Variants in TCF4 observed in about 807,000 individuals in gnomAD.
TCF4 encodes the protein transcription factor 4.
Under a neutral mutation model 82.1 loss-of-function variants are expected in TCF4, and 3 were observed. That is an observed-to-expected ratio of 0.04 (90% CI 0.02 to 0.09). TCF4 has a LOEUF of 0.09. TCF4 is among the 10% of genes least tolerant of loss of function. The pLI is 1.00. For missense variants in TCF4, 518 were observed against 852.7 expected, an observed-to-expected ratio of 0.61 and a Z score of 4.89; for synonymous variants, 276 against 309.6, an observed-to-expected ratio of 0.89 and a Z score of 1.14.
chr18:55,565,284 A>G (rs1358117827), intron 3 of TCF4, among the ~76,000 whole-genome samples: 1 of 152,088 alleles, frequency 6.6e-6, no homozygotes. Flanking sequence ...CTCACACTAC[A>G]AAACAACCAA....
At position 55,228,282 on chromosome 18, in the gene TCF4, G is replaced by A. The variant is rs1164018870; in HGVS notation, c.1959C>T (p.Ser653=). ...CCATTCCAGGGTGTGGGCCGGCCAA[G>A]GAGAGAGGGGGAGGCTCTGAGGACA... ...EKVSSEPPPL[S]LAGPHPGMGD... Residue 653 remains serine (S), a synonymous_variant, in exon 19 of 20, where the codon TCC becomes TCT. Coordinates refer to ENST00000354452, the MANE Select transcript of TCF4 (RefSeq NM_001083962.2). 4 of 1,614,140 alleles carry A rather than the reference G, an allele frequency of 2.5e-6. No homozygotes were observed. Among genetic ancestry groups the A allele is most frequent in the African/African-American group, 1.3e-5 (1 of 75,036 alleles).
intron 3 of TCF4, among the ~76,000 whole-genome samples, chr18:55,538,024 G>GCGCA (rs1555736240): frequency 1.6e-5 from 2 of 125,610 alleles, no homozygotes; most frequent in Non-Finnish European, 1.6e-5. Context: ...GTCTGCGCGC[G>GCGCA]CGCACACACA....
chr18:55,422,875 C>T (rs1196125281), intron 5 of TCF4, among the ~76,000 whole-genome samples: 3 of 152,016 alleles, frequency 2.0e-5, no homozygotes, highest in Admixed American at 6.6e-5. Flanking sequence ...ATGCAGCTGT[C>T]GAAGCTCTCC....
At chr18:55,305,431 A>G (rs541277967) in intron 8 of TCF4, among the ~76,000 whole-genome samples, 1 of 152,314 alleles carries the variant, frequency 6.6e-6, no homozygotes, top group South Asian at 2.1e-4. Context: ...TCCAAAAACC[A>G]GAAGAAATCA....
At chr18:55,419,589 G>C (rs2146908794) in intron 5 of TCF4, among the ~76,000 whole-genome samples, 1 of 152,296 alleles carries the variant, frequency 6.6e-6, no homozygotes, top group South Asian at 2.1e-4. Flanking sequence ...CTGAAATTCA[G>C]GTTAGGCAGT....
chr18:55,523,035 T>C (rs938364577), intron 3 of TCF4, among the ~76,000 whole-genome samples: 20 of 152,030 alleles, frequency 1.3e-4, no homozygotes, highest in African/African-American at 4.8e-4. Flanking sequence ...TTAATAAAAC[T>C]AGAAAACAGT....
At chr18:55,530,563 G>GGGT (rs1555729298) in intron 3 of TCF4, among the ~76,000 whole-genome samples, 2 of 137,024 alleles carry the variant, frequency 1.5e-5, no homozygotes, top group African/African-American at 5.0e-5. Flanking sequence ...CCCTGAAAAG[G>GGGT]GGGGGGGAAA....
chr18:55,359,081 T>C lies in TCF4; in HGVS notation c.370-8078A>G, dbSNP rs891723519. On this transcript the variant is annotated intron_variant, in intron 6 of 19. Transcript: ENST00000354452. ...GTATGGTATATAAGTCATGCATAGA[T>C]AGATTATATATATTTCTAATAGGCC... is the stretch of plus-strand genomic sequence containing the variant. Among the ~76,000 whole-genome samples, 10 of 152,202 alleles carry C rather than the reference T, an allele frequency of 6.6e-5. No individual in the cohort carries two copies. In the East Asian group the frequency reaches 1.2e-3, roughly 18 times the overall value.
intron 8 of TCF4, among the ~76,000 whole-genome samples, chr18:55,293,140 T>TA (rs994178333): frequency 9.9e-5 from 15 of 152,074 alleles, no homozygotes; most frequent in Admixed American, 2.6e-4. Context: ...TCACCTCAAT[T>TA]AAAAAAACAA....
chr18:55,404,100 T>C, intron 5 of TCF4: 1 of 1,051,498 alleles, frequency 9.5e-7, no homozygotes, highest in African/African-American at 1.7e-5. Context: ...TTTTGAAAAA[T>C]TGCCTACTCT....
chr18:55,467,626 T>C (rs760219396), intron 3 of TCF4, among the ~76,000 whole-genome samples: 6 of 152,158 alleles, frequency 3.9e-5, no homozygotes, highest in African/African-American at 7.2e-5. Context: ...TTCAGCAGCA[T>C]TCACTATACA....
Position 55,508,647 on chromosome 18 carries a change from C to T in TCF4, c.146-44510G>A, listed in dbSNP as rs191812158. Among the ~76,000 whole-genome samples, 36 of 152,250 alleles carry T rather than the reference C, an allele frequency of 2.4e-4. No homozygotes were observed. The East Asian group carries it at 6.0e-3, about 25-fold the overall frequency. ...CCCCAGGTTACAGGTAGTAAGTGGT[C>T]GAGCTGAGATTTAGAGCCAGAATCC... On this transcript the variant is annotated intron_variant, in intron 3 of 19. Transcript: ENST00000354452.
chr18:55,519,944 T>C (rs1398459592), intron 3 of TCF4, among the ~76,000 whole-genome samples: 1 of 152,194 alleles, frequency 6.6e-6, no homozygotes, highest in South Asian at 2.1e-4. Flanking sequence ...CTTCACACTT[T>C]AGCAGGGAAT....
intron 3 of TCF4, among the ~76,000 whole-genome samples, chr18:55,505,792 A>T (rs2096751668): frequency 8.0e-6 from 1 of 125,196 alleles, no homozygotes. Flanking sequence ...CCACAGAGCG[A>T]GACTCCGTCT....
At chr18:55,395,218 T>C (rs78417162) in intron 6 of TCF4, among the ~76,000 whole-genome samples, 2 of 152,324 alleles carry the variant, frequency 1.3e-5, no homozygotes, top group East Asian at 1.9e-4. Context: ...CTACATGATA[T>C]GTAGATACGT....
chr18:55,628,881 G>T (rs753068141), intron 2 of TCF4, among the ~76,000 whole-genome samples: 1 of 152,184 alleles, frequency 6.6e-6, no homozygotes, highest in Non-Finnish European at 1.5e-5. Context: ...TGCATATGTA[G>T]TAAAATGCCA....
chr18:55,326,981 G>T (rs1449429943), intron 8 of TCF4, among the ~76,000 whole-genome samples: 1 of 152,118 alleles, frequency 6.6e-6, no homozygotes, highest in Non-Finnish European at 1.5e-5. Flanking sequence ...ATTACTAACA[G>T]GAGGACGCAG....
At position 55,234,539 on chromosome 18, in the gene TCF4, C is replaced by A. The variant is rs749258385; in HGVS notation, c.1486+9G>T. ...TGAGGTCAGAAGTGCCCTGGTGAGGCCAACCTACCTCTGTAAGGGTCCTGG... is the reference window on the plus strand; with the variant it reads ...TGAGGTCAGAAGTGCCCTGGTGAGGACAACCTACCTCTGTAAGGGTCCTGG... On this transcript the variant is annotated intron_variant, in intron 16 of 19. Transcript: ENST00000354452. 2 of 1,614,154 alleles carry A rather than the reference C, an allele frequency of 1.2e-6. No homozygotes were observed.
intron 10 of TCF4, among the ~76,000 whole-genome samples, chr18:55,271,994 AGAG>A (rs1459242529): frequency 3.3e-5 from 5 of 152,180 alleles, no homozygotes; most frequent in Admixed American, 6.6e-5. Flanking sequence ...AATCAAAAAA[AGAG>A]GAGAAGAATT....
Sources: gnomAD v4.1 joint callset for allele counts (sites outside exome capture counted in the v4.1 genomes callset) on GRCh38, gnomAD v4.1.1 for gene constraint, MANE v1.5 for transcripts, NCBI Gene and HGNC (gene_info 2026-07-23, HGNC 2026-07-21) for gene names.